Variants in ZNF717 observed in about 807,000 individuals in gnomAD.
ZNF717 encodes the protein krueppel-like factor X17.
A neutral mutation model predicts 13.8 loss-of-function variants in ZNF717; 9 were observed. That is an observed-to-expected ratio of 0.65 (90% CI 0.39 to 1.14). The LOEUF is 1.14. Ranked by LOEUF, ZNF717 falls within the 50% of genes most tolerant of loss-of-function variation. The pLI is 0.01. For missense variants in ZNF717, 1,040 were observed against 1,080.7 expected (o/e 0.96, Z 0.53); for synonymous variants, 327 against 364.1 (o/e 0.90, Z 1.16).
intron 5 of ZNF717, among the ~76,000 whole-genome samples, chr3:75,730,791 T>C (rs201265398): frequency 0.011 from 1,187 of 104,318 alleles, no homozygotes; most frequent in South Asian, 0.022. Context: ...TTTCTGAGTT[T>C]ATTTCACAAA....
intron 2 of ZNF717, among the ~76,000 whole-genome samples, chr3:75,755,262 A>G (rs1257985265): frequency 6.6e-6 from 1 of 152,280 alleles, no homozygotes; most frequent in East Asian, 1.9e-4. Flanking sequence ...TTTTAAAAAG[A>G]GCATTAAAGA....
chr3:75,755,319 C>G (rs1410585295), intron 2 of ZNF717, among the ~76,000 whole-genome samples: 2 of 152,222 alleles, frequency 1.3e-5, no homozygotes, highest in Non-Finnish European at 2.9e-5. Flanking sequence ...CTTAATTGAT[C>G]TGACCAAGAA....
At chr3:75,782,990 G>T (rs1041766561) in intron 2 of ZNF717, among the ~76,000 whole-genome samples, 1 of 152,240 alleles carries the variant, frequency 6.6e-6, no homozygotes, top group Admixed American at 6.5e-5. Flanking sequence ...TGGTGGTTCA[G>T]ACTTGGTGCA....
chr3:75,782,100 T>A (rs187303553), intron 2 of ZNF717, among the ~76,000 whole-genome samples: 273 of 152,282 alleles, frequency 1.8e-3, no homozygotes, highest in African/African-American at 5.9e-3. Context: ...CGTTTCTCTC[T>A]AACTCGCTCG....
At chr3:75,709,109 C>T (rs75642083), downstream of ZNF717, among the ~76,000 whole-genome samples, 1 of 151,532 alleles carries the variant, frequency 6.6e-6, no homozygotes, top group Non-Finnish European at 1.5e-5. Context: ...CAAGCGATTC[C>T]TGTTTCAGCC....
chr3:75,754,699 C>A (rs184485592), intron 2 of ZNF717, among the ~76,000 whole-genome samples: 3 of 151,956 alleles, frequency 2.0e-5, no homozygotes, highest in Admixed American at 2.0e-4. Flanking sequence ...AAGATGATAT[C>A]CAAGACTGTG....
chr3:75,755,281 T>C (rs199915170), intron 2 of ZNF717, among the ~76,000 whole-genome samples: 4 of 125,614 alleles, frequency 3.2e-5, no homozygotes, highest in Non-Finnish European at 5.4e-5. Context: ...GAAAGAATTG[T>C]GGTACAATAA....
At chr3:75,725,448 C>T (rs1382602282), downstream of ZNF717, among the ~76,000 whole-genome samples, 1 of 152,244 alleles carries the variant, frequency 6.6e-6, no homozygotes, top group East Asian at 1.9e-4. Flanking sequence ...TTTCAATTTT[C>T]CTGAATAAAA....
At chr3:75,763,535 G>A (rs921240269) in intron 2 of ZNF717, among the ~76,000 whole-genome samples, 1 of 152,202 alleles carries the variant, frequency 6.6e-6, no homozygotes, top group African/African-American at 2.4e-5. Context: ...AACTCCTACA[G>A]AGAGACTACC....
At chr3:75,713,092 A>G (rs1037058967) in intron 5 of ZNF717, among the ~76,000 whole-genome samples, 3 of 152,032 alleles carry the variant, frequency 2.0e-5, no homozygotes, top group Non-Finnish European at 4.4e-5. Context: ...AGCCTGGGTA[A>G]CAGAGTGGGA....
chr3:75,696,303 A>G (rs1937602654), intron 6 of ZNF717, among the ~76,000 whole-genome samples: 2 of 152,408 alleles, frequency 1.3e-5, no homozygotes, highest in South Asian at 4.2e-4. Flanking sequence ...TAACAAAATT[A>G]AAGCCTTAAT....
intron 2 of ZNF717, among the ~76,000 whole-genome samples, chr3:75,747,376 G>GT (rs1217243050): frequency 6.6e-6 from 1 of 152,174 alleles, no homozygotes; most frequent in Non-Finnish European, 1.5e-5. Flanking sequence ...CTTTAAAGTA[G>GT]TTTTTTCCAA....
intron 1 of ZNF717, among the ~76,000 whole-genome samples, chr3:75,784,579 G>A (rs924374245): frequency 6.6e-6 from 1 of 152,094 alleles, no homozygotes; most frequent in African/African-American, 2.4e-5. Context: ...GGTATGACAG[G>A]TCACTCCTGT....
intron 2 of ZNF717, among the ~76,000 whole-genome samples, chr3:75,765,035 A>ATATATATATATATATATATATGTGTG (rs1559662069): frequency 1.2e-5 from 1 of 81,798 alleles, no homozygotes; most frequent in African/African-American, 4.1e-5. Flanking sequence ...ATATATGTAT[A>ATATATATATATATATATATATGTGTG]TGTGTGTGTG....
At chr3:75,769,970 G>A (rs1575943363) in intron 2 of ZNF717, among the ~76,000 whole-genome samples, 1 of 152,178 alleles carries the variant, frequency 6.6e-6, no homozygotes, top group Admixed American at 6.5e-5. Flanking sequence ...ATATAAACAA[G>A]AGGTAGAAAA....
chr3:75,714,709 T>C (rs796656806), intron 5 of ZNF717, among the ~76,000 whole-genome samples: 1 of 152,254 alleles, frequency 6.6e-6, no homozygotes, highest in African/African-American at 2.4e-5. Flanking sequence ...ACTGGCCATT[T>C]TGAAGATATT....
Position 75,738,217 on chromosome 3 carries a change from T to C in ZNF717, c.1406A>G (p.His469Arg). The C allele has an allele frequency of 1.3e-6, 2 of 1,552,702 alleles. No individual in the cohort carries two copies. Among genetic ancestry groups the C allele is most frequent in the South Asian group, 1.2e-5 (1 of 84,534 alleles). ...PFINKSNLRL[H>R]QRTHTGEKPY... Reference sequence around the variant, plus strand: ...TTTTTCCCCTGTGTGAGTTCTCTGATGTAACCTGAGGTTTGACTTATTGAT... The same window carrying C: ...TTTTTCCCCTGTGTGAGTTCTCTGACGTAACCTGAGGTTTGACTTATTGAT... Residue 469 changes from histidine (H) to arginine (R), a missense_variant, in exon 5 of 5, where the codon CAT (histidine) becomes CGT (arginine). Physicochemically the swap from His to Arg is conservative, Grantham distance 29 (BLOSUM62 0). Around this residue, in one of 3 missense-constraint regions of ZNF717, gnomAD observed 873 missense variants for 832.8 expected, o/e 1.05. Coordinates refer to ENST00000652011, the MANE Select transcript of ZNF717 (RefSeq NM_001290208.3).
At chr3:75,716,610 T>C (rs1938060628) in intron 4 of ZNF717, 2 of 152,148 alleles carry the variant, frequency 1.3e-5, no homozygotes, top group Admixed American at 6.5e-5. Context: ...CTCAAAGGGC[T>C]CAAAGGTGAG....
intron 2 of ZNF717, among the ~76,000 whole-genome samples, chr3:75,773,741 A>C (rs921658596): frequency 2.6e-5 from 4 of 152,182 alleles, no homozygotes; most frequent in African/African-American, 9.7e-5. Flanking sequence ...GCGACAGAGC[A>C]AGACGCTATC....
Sources: gnomAD v4.1 joint callset for allele counts (sites outside exome capture counted in the v4.1 genomes callset) on GRCh38, gnomAD v4.1.1 for gene constraint, gnomAD v4.1.1 regional missense constraint, MANE v1.5 for transcripts, NCBI Gene and HGNC (gene_info 2026-07-23, HGNC 2026-07-21) for gene names.